HECW1: variants seen among roughly 807,000 people sequenced by gnomAD.
The protein encoded by HECW1 is E3 ubiquitin-protein ligase HECW1.
In HECW1, 61 loss-of-function variants were observed where a neutral mutation model predicts 182.3. The observed-to-expected ratio is 0.33, with a 90% CI of 0.27 to 0.41. HECW1 has a LOEUF of 0.41. Among genes scored for constraint, HECW1 ranks in the 10% least tolerant of loss-of-function variants. HECW1 has a pLI of 1.00. For synonymous variants in HECW1, 859 were observed against 832.6 expected (o/e 1.03, Z -0.55); for missense variants, 1,739 against 2,108.9 (o/e 0.82, Z 3.44).
chr7:43,536,572 C>T (rs970791112), intron 24 of HECW1, among the ~76,000 whole-genome samples: 1 of 152,200 alleles, frequency 6.6e-6, no homozygotes, highest in Admixed American at 6.5e-5. Context: ...GGGCACCCAT[C>T]GTTGGAACTT....
At chr7:43,557,049 T>A (rs2082051093) in intron 29 of HECW1, among the ~76,000 whole-genome samples, 2 of 151,316 alleles carry the variant, frequency 1.3e-5, no homozygotes, top group South Asian at 4.2e-4. Flanking sequence ...GTGACCCCTG[T>A]CCAATCTCCT....
At chr7:43,155,974 G>A (rs546092004) in intron 2 of HECW1, among the ~76,000 whole-genome samples, 178 of 152,230 alleles carry the variant, frequency 1.2e-3, no homozygotes, top group African/African-American at 4.2e-3. Flanking sequence ...TTCTTTGTTC[G>A]TTTAAAACAG....
chr7:43,491,545 G>A (rs1028910641), intron 17 of HECW1, among the ~76,000 whole-genome samples: 1 of 152,148 alleles, frequency 6.6e-6, no homozygotes, highest in African/African-American at 2.4e-5. Context: ...TTTATGATGA[G>A]AAATGTTTCT....
intron 24 of HECW1, among the ~76,000 whole-genome samples, chr7:43,519,535 C>T (rs567709912): frequency 9.9e-4 from 151 of 152,308 alleles, no homozygotes; most frequent in African/African-American, 3.2e-3. Context: ...TGAGCCACCG[C>T]GCCTGGCCTA....
chr7:43,493,198 C>A lies in HECW1; in HGVS notation c.3437+18C>A. 1.3e-6 allele frequency: 2 copies of A among 1,530,184 alleles called. No homozygotes were observed. Among genetic ancestry groups the A allele is most frequent in the Non-Finnish European group, 1.8e-6 (2 of 1,105,270 alleles). 94.8% of individuals were successfully genotyped at this position (1,530,184 alleles called of 1,614,324 possible). ...ACACTCAGGTAAGCCTCGCCCCTCA[C>A]TCCCTGGAACTCTAGGTCTTTCCAG... On this transcript the variant is annotated intron_variant, in intron 19 of 29. Coordinates refer to ENST00000395891, the MANE Select transcript of HECW1 (RefSeq NM_015052.5).
chr7:43,289,775 C>A (rs1416887747), intron 3 of HECW1, among the ~76,000 whole-genome samples: 2 of 152,220 alleles, frequency 1.3e-5, no homozygotes. Flanking sequence ...TGGTTTTATA[C>A]ATTTTAGGGA....
At chr7:43,372,578 T>TA (rs1184939194) in intron 6 of HECW1, among the ~76,000 whole-genome samples, 2 of 152,086 alleles carry the variant, frequency 1.3e-5, no homozygotes, top group Admixed American at 6.5e-5. Flanking sequence ...ATTTCTTTTT[T>TA]AAAAAAATCA....
intron 24 of HECW1, among the ~76,000 whole-genome samples, chr7:43,517,710 C>T (rs2080231196): frequency 6.6e-6 from 1 of 152,084 alleles, no homozygotes; most frequent in Admixed American, 6.5e-5. Flanking sequence ...ATCAGGTAAG[C>T]CCCAGCCCCA....
At chr7:43,303,937 A>ACC (rs149667253) in intron 3 of HECW1, among the ~76,000 whole-genome samples, 3 of 152,142 alleles carry the variant, frequency 2.0e-5, no homozygotes, top group Non-Finnish European at 4.4e-5. Flanking sequence ...GGAGAGGAGG[A>ACC]CCCAGGGGCA....
Position 43,488,464 on chromosome 7 carries a change from GAAAGAAAGAAAGAAAGAAAGAAAGAGAA to G in HECW1, c.3235-3609_3235-3582del, listed in dbSNP as rs1333645628. 2.5e-3 allele frequency among the ~76,000 whole-genome samples: 366 copies of G among 148,162 alleles called. 3 individuals are homozygous for G. The highest frequency in any genetic ancestry group is 8.9e-3 in the African/African-American group (354 of 39,616). On this transcript the variant is annotated intron_variant, in intron 17 of 29. Coordinates refer to ENST00000395891, the MANE Select transcript of HECW1 (RefSeq NM_015052.5). ...AGAAAGAAAGAAAGAAAGAAAGAAA[GAAAGAAAGAAAGAAAGAAAGAAAGAGAA>G]AGAAAGAAAGAAAAGAAAAGAAAGA...
chr7:43,510,060 G>C (rs1000387649), intron 24 of HECW1: 1 of 152,302 alleles, frequency 6.6e-6, no homozygotes, highest in African/African-American at 2.4e-5. Flanking sequence ...GGTAGAGTGA[G>C]TGAGTACACA....
intron 24 of HECW1, among the ~76,000 whole-genome samples, chr7:43,521,840 C>T (rs2080492153): frequency 6.6e-6 from 1 of 152,216 alleles, no homozygotes; most frequent in African/African-American, 2.4e-5. Flanking sequence ...GCATTGCACT[C>T]CAGCCTGAGC....
chr7:43,515,730 C>T lies in HECW1; in HGVS notation c.4019+6609C>T, dbSNP rs113161737. Among the ~76,000 whole-genome samples, 15 of 152,312 alleles carry T rather than the reference C, an allele frequency of 9.8e-5. 1 individual carries two copies. Among genetic ancestry groups the T allele is most frequent in the African/African-American group, 3.1e-4 (13 of 41,572 alleles). On this transcript the variant is annotated intron_variant, in intron 24 of 29. Coordinates refer to ENST00000395891, the MANE Select transcript of HECW1 (RefSeq NM_015052.5). ...CTGAATTAGCCAGATTATAGTAGCA[C>T]ACTCCCAGATGCTGTGAGATATGTT...
At chr7:43,350,248 G>A (rs377593572) in intron 5 of HECW1, among the ~76,000 whole-genome samples, 41 of 152,268 alleles carry the variant, frequency 2.7e-4, no homozygotes, top group Admixed American at 1.3e-3. Flanking sequence ...AATCTGATAC[G>A]TTTTCCTTTA....
intron 16 of HECW1, among the ~76,000 whole-genome samples, chr7:43,470,506 A>G (rs2077976688): frequency 6.6e-6 from 1 of 152,184 alleles, no homozygotes; most frequent in Non-Finnish European, 1.5e-5. Context: ...TCTCCATGGC[A>G]CACATGCAGA....
At chr7:43,151,256 T>C (rs1490912266) in intron 2 of HECW1, among the ~76,000 whole-genome samples, 1 of 152,168 alleles carries the variant, frequency 6.6e-6, no homozygotes, top group African/African-American at 2.4e-5. Flanking sequence ...GATAACATGA[T>C]CTCATAAGAT....
intron 24 of HECW1, among the ~76,000 whole-genome samples, chr7:43,514,997 G>T (rs1388824286): frequency 6.6e-6 from 1 of 152,128 alleles, no homozygotes; most frequent in Non-Finnish European, 1.5e-5. Flanking sequence ...TATATAATTG[G>T]TCAAATTAAA....
intron 24 of HECW1, among the ~76,000 whole-genome samples, chr7:43,533,207 G>A (rs1368037441): frequency 6.6e-6 from 1 of 152,098 alleles, no homozygotes; most frequent in Non-Finnish European, 1.5e-5. Context: ...CATCAACAGT[G>A]CTGAGGCTGA....
chr7:43,465,743 T>C (rs1260076470), intron 14 of HECW1, among the ~76,000 whole-genome samples: 1 of 151,746 alleles, frequency 6.6e-6, no homozygotes, highest in Non-Finnish European at 1.5e-5. Context: ...AAGAAAAAAA[T>C]AGCCAGGCAT....
Sources: gnomAD v4.1 joint callset for allele counts (sites outside exome capture counted in the v4.1 genomes callset) on GRCh38, gnomAD v4.1.1 for gene constraint, MANE v1.5 for transcripts, NCBI Gene and HGNC (gene_info 2026-07-23, HGNC 2026-07-21) for gene names.